The following TFAP2D variants were observed in gnomAD, a reference collection of about 807,000 sequenced individuals.
TFAP2D encodes the protein transcription factor AP-2 delta, also known as transcription factor AP-2-delta.
Under a neutral mutation model 43.6 loss-of-function variants are expected in TFAP2D, and 9 were observed. The observed-to-expected ratio is 0.21, with a 90% CI of 0.12 to 0.36. TFAP2D has a LOEUF of 0.36. Among genes scored for constraint, TFAP2D ranks in the 10% least tolerant of loss-of-function variants. TFAP2D has a pLI of 1.00. For synonymous variants in TFAP2D, 256 were observed against 224.9 expected (o/e 1.14, Z -1.24); for missense variants, 513 against 561.4 (o/e 0.91, Z 0.87).
chr6:50,771,730 A>G (rs1483868171), intron 7 of TFAP2D, among the ~76,000 whole-genome samples: 1 of 152,214 alleles, frequency 6.6e-6, no homozygotes, highest in Non-Finnish European at 1.5e-5. Context: ...GGCGATCATT[A>G]AAAAGGAAAC....
intron 3 of TFAP2D, among the ~76,000 whole-genome samples, chr6:50,720,486 AACAC>A (rs59484837): frequency 0.13 from 18,565 of 138,728 alleles, 1,198 homozygotes; most frequent in Non-Finnish European, 0.15. Context: ...TGGAGATTAA[AACAC>A]ACACACACAC....
chr6:50,715,155 C>T lies in TFAP2D; in HGVS notation c.79C>T (p.Leu27Phe), dbSNP rs1768597055. The change falls in exon 2 of 8, where the codon CTT becomes TTT. Residue 27 changes from leucine (L) to phenylalanine (F), a missense_variant. Physicochemically the swap from Leu to Phe is conservative, Grantham distance 22. Transcript: ENST00000008391. ...DGSNSYRLMQ[L>F]GCLESVANST... Reference sequence around the variant, plus strand: ...ATCAAACAGCTACCGTTTGATGCAGCTTGGCTGTCTGGAGTCAGTAGCCAA... The same window carrying T: ...ATCAAACAGCTACCGTTTGATGCAGTTTGGCTGTCTGGAGTCAGTAGCCAA... 2.5e-6 allele frequency: 4 copies of T among 1,614,112 alleles called. No individual in the cohort carries two copies. The highest frequency in any genetic ancestry group is 3.4e-6 in the Non-Finnish European group (4 of 1,180,022).
chr6:50,760,857 C>T (rs970729848), intron 7 of TFAP2D, among the ~76,000 whole-genome samples: 5 of 151,254 alleles, frequency 3.3e-5, no homozygotes, highest in South Asian at 2.1e-4. Flanking sequence ...TAAGGTTGGG[C>T]GGAGAAGACC....
At chr6:50,769,952 C>G (rs747817145) in intron 7 of TFAP2D, among the ~76,000 whole-genome samples, 2 of 151,938 alleles carry the variant, frequency 1.3e-5, no homozygotes, top group African/African-American at 4.8e-5. Flanking sequence ...TCAATAATAC[C>G]CTGTGAAACT....
intron 5 of TFAP2D, among the ~76,000 whole-genome samples, chr6:50,739,307 T>C (rs1399493651): frequency 6.6e-6 from 1 of 151,762 alleles, no homozygotes; most frequent in Non-Finnish European, 1.5e-5. Flanking sequence ...CACCTATGAG[T>C]GAGAACATGT....
chr6:50,757,064 C>T (rs1361921097), intron 7 of TFAP2D, among the ~76,000 whole-genome samples: 2 of 151,588 alleles, frequency 1.3e-5, no homozygotes, highest in Non-Finnish European at 2.9e-5. Context: ...GGGAAGACAC[C>T]CTGTCCAAAA....
chr6:50,728,601 C>T (rs937303646), intron 3 of TFAP2D, among the ~76,000 whole-genome samples: 1 of 152,150 alleles, frequency 6.6e-6, no homozygotes, highest in Non-Finnish European at 1.5e-5. Flanking sequence ...GTGAGTCAGT[C>T]TACACTCCGT....
chr6:50,738,110 A>G (rs957168981), intron 5 of TFAP2D, among the ~76,000 whole-genome samples: 3 of 151,992 alleles, frequency 2.0e-5, no homozygotes, highest in Non-Finnish European at 4.4e-5. Flanking sequence ...TTTTTTTATC[A>G]TTGCTTATTT....
At chr6:50,756,816 G>A (rs1269070571) in intron 7 of TFAP2D, among the ~76,000 whole-genome samples, 2 of 151,958 alleles carry the variant, frequency 1.3e-5, no homozygotes, top group Non-Finnish European at 2.9e-5. Flanking sequence ...GGGAATAGTG[G>A]TGGCATTAGA....
intron 1 of TFAP2D, 138 bp downstream of exon 1, chr6:50,714,232 T>C: frequency 9.9e-7 from 1 of 1,007,414 alleles, no homozygotes; most frequent in African/African-American, 1.7e-5. Context: ...TTATAATCTG[T>C]CTTTCGGGGG....
At chr6:50,770,452 G>A (rs1386454388) in intron 7 of TFAP2D, among the ~76,000 whole-genome samples, 1 of 151,982 alleles carries the variant, frequency 6.6e-6, no homozygotes, top group Admixed American at 6.6e-5. Flanking sequence ...CTATGATGGA[G>A]GCTCAGGGAA....
chr6:50,718,780 C>T (rs545120172), intron 2 of TFAP2D, among the ~76,000 whole-genome samples: 1 of 152,188 alleles, frequency 6.6e-6, no homozygotes, highest in Non-Finnish European at 1.5e-5. Flanking sequence ...ACGCTGTGTG[C>T]CTTGATGGGG....
intron 7 of TFAP2D, among the ~76,000 whole-genome samples, chr6:50,761,216 C>G (rs546845777): frequency 7.0e-6 from 1 of 143,584 alleles, no homozygotes; most frequent in Admixed American, 7.0e-5. Context: ...CCATTTCAAC[C>G]TTCACACACA....
intron 7 of TFAP2D, among the ~76,000 whole-genome samples, chr6:50,772,269 A>G (rs1012784354): frequency 2.0e-5 from 3 of 152,152 alleles, no homozygotes; most frequent in Non-Finnish European, 4.4e-5. Context: ...GAGGGATAGC[A>G]TTAGGAGATA....
chr6:50,746,872 A>G (rs1314663060), intron 6 of TFAP2D, among the ~76,000 whole-genome samples: 8 of 152,140 alleles, frequency 5.3e-5, no homozygotes, highest in Non-Finnish European at 8.8e-5. Flanking sequence ...TTCTGAAAGT[A>G]CTAGATTATC....
rs763018088 is a variant in TFAP2D at position 50,766,654 on chromosome 6, CTTTT to C, written c.1140-5969_1140-5966del. ...CCTTTTGATACCATGAGATTGCTTTCTTTTTTTTTTTTTTTTTTTTTTTTTGAGA... is the reference window on the plus strand; with the variant it reads ...CCTTTTGATACCATGAGATTGCTTTCTTTTTTTTTTTTTTTTTTTTTGAGA... On this transcript the variant is annotated intron_variant, in intron 7 of 7. Transcript: ENST00000008391. 9.3e-3 allele frequency among the ~76,000 whole-genome samples: 534 copies of C among 57,320 alleles called. 2 individuals carry two copies. The highest frequency in any genetic ancestry group is 0.016 in the Non-Finnish European group (444 of 28,418). The allele number at this position is 57,320 out of a possible 152,430, so 37.6% of individuals were successfully genotyped here.
intron 3 of TFAP2D, among the ~76,000 whole-genome samples, chr6:50,726,774 A>C (rs768992289): frequency 1.4e-4 from 22 of 152,192 alleles, no homozygotes; most frequent in Non-Finnish European, 2.6e-4. Context: ...ATCTCTAAGT[A>C]CAGAGTGAAA....
Position 50,715,119 on chromosome 6 carries a change from C to T in TFAP2D, c.43C>T (p.Arg15Cys). ...FPGLVHDAEI[R>C]HDGSNSYRLM... ...CTTTTCCCCCTCTTCCTTCCAGATA[C>T]GTCACGACGGATCAAACAGCTACCG... Residue 15 changes from arginine to cysteine, a missense_variant, in exon 2 of 8, where the codon CGT becomes TGT. This residue lies in a region of TFAP2D where 311 missense variants were observed against 316.2 expected (regional missense o/e 0.98). Transcript: ENST00000008391. 6.2e-7 allele frequency: 1 copy of T among 1,613,762 alleles called. No individual in the cohort carries two copies. The highest frequency in any genetic ancestry group is 2.2e-5 in the East Asian group (1 of 44,848).
chr6:50,733,177 G>A (rs1056443969), intron 5 of TFAP2D, among the ~76,000 whole-genome samples: 2 of 151,968 alleles, frequency 1.3e-5, no homozygotes, highest in Non-Finnish European at 2.9e-5. Flanking sequence ...ATTTTGGGGG[G>A]TCTACATAAC....
Sources: gnomAD v4.1 joint callset for allele counts (sites outside exome capture counted in the v4.1 genomes callset) on GRCh38, gnomAD v4.1.1 for gene constraint, gnomAD v4.1.1 regional missense constraint, MANE v1.5 for transcripts, NCBI Gene and HGNC (gene_info 2026-07-23, HGNC 2026-07-21) for gene names.